MAP4K5: variants seen among roughly 807,000 people sequenced by gnomAD.
MAP4K5 encodes the protein MAPK/ERK kinase kinase kinase 5.
In MAP4K5, 82 loss-of-function variants were observed where a neutral mutation model predicts 135.6. The ratio of observed to expected loss-of-function variants is 0.60; its 90% CI spans 0.51 to 0.73. The LOEUF (loss-of-function observed/expected upper bound fraction) is 0.73. Ranked by LOEUF, MAP4K5 falls within the 30% of genes least tolerant of loss-of-function variation. The pLI is 0.00. For missense variants in MAP4K5, 907 were observed against 1,010.9 expected (o/e 0.90, Z 1.39); for synonymous variants, 347 against 335.0 (o/e 1.04, Z -0.39).
At chr14:50,526,284 C>T (rs2038263009) in intron 2 of MAP4K5, among the ~76,000 whole-genome samples, 1 of 152,158 alleles carries the variant, frequency 6.6e-6, no homozygotes, top group Non-Finnish European at 1.5e-5. Flanking sequence ...CAAATTATGA[C>T]TGCTTACATG....
At chr14:50,539,735 T>G (rs2038537628) in intron 2 of MAP4K5, among the ~76,000 whole-genome samples, 1 of 152,220 alleles carries the variant, frequency 6.6e-6, no homozygotes, top group South Asian at 2.1e-4. Flanking sequence ...GAAGAAGTTG[T>G]AGGATCTTGC....
chr14:50,493,259 C>G (rs1016601731), intron 3 of MAP4K5, among the ~76,000 whole-genome samples: 1 of 152,086 alleles, frequency 6.6e-6, no homozygotes, highest in Non-Finnish European at 1.5e-5. Context: ...GCTGCCATAT[C>G]CGGCTAATAT....
intron 22 of MAP4K5, 57 bp downstream of exon 22, chr14:50,440,305 G>C: frequency 1.7e-6 from 2 of 1,145,248 alleles, no homozygotes; most frequent in Non-Finnish European, 2.6e-6. Context: ...TTAAAATTAA[G>C]ACACTTCTTT....
intron 20 of MAP4K5, among the ~76,000 whole-genome samples, chr14:50,443,348 A>G (rs1405871592): frequency 9.5e-5 from 1 of 10,516 alleles, no homozygotes; most frequent in Admixed American, 2.2e-3. Flanking sequence ...CTGACTGGCC[A>G]GGAAAATGCA....
chr14:50,505,747 G>A (rs2037796588), intron 2 of MAP4K5, among the ~76,000 whole-genome samples: 1 of 152,166 alleles, frequency 6.6e-6, no homozygotes, highest in South Asian at 2.1e-4. Context: ...AACCTTGGAT[G>A]TTAAAACCAT....
intron 3 of MAP4K5, among the ~76,000 whole-genome samples, chr14:50,503,402 CA>C (rs1350638605): frequency 1.3e-5 from 2 of 151,950 alleles, no homozygotes; most frequent in African/African-American, 4.8e-5. Context: ...GTAGCTTTTA[CA>C]AAACAAGGCA....
At chr14:50,426,673 G>A (rs1038134112) in intron 30 of MAP4K5, among the ~76,000 whole-genome samples, 3 of 152,186 alleles carry the variant, frequency 2.0e-5, no homozygotes, top group Admixed American at 6.5e-5. Flanking sequence ...GCAGTGAGCC[G>A]AGATCACGTC....
chr14:50,494,319 C>T (rs1425264357), intron 3 of MAP4K5, among the ~76,000 whole-genome samples: 1 of 151,908 alleles, frequency 6.6e-6, no homozygotes, highest in African/African-American at 2.4e-5. Flanking sequence ...TAGGCACATG[C>T]CACCACACTG....
intron 17 of MAP4K5, 85 bp downstream of exon 17, chr14:50,445,994 T>C: frequency 1.1e-6 from 1 of 871,474 alleles, no homozygotes; most frequent in Non-Finnish European, 1.7e-6. Flanking sequence ...TTTAAGAAAA[T>C]TTTGAAAAAA....
intron 2 of MAP4K5, among the ~76,000 whole-genome samples, chr14:50,521,601 T>C (rs1338229999): frequency 6.6e-6 from 1 of 152,188 alleles, no homozygotes; most frequent in Non-Finnish European, 1.5e-5. Context: ...ATGAGAGTGT[T>C]ATACAAACAT....
chr14:50,526,117 C>T (rs2038258195), intron 2 of MAP4K5, among the ~76,000 whole-genome samples: 1 of 152,180 alleles, frequency 6.6e-6, no homozygotes, highest in African/African-American at 2.4e-5. Flanking sequence ...ATCTTCTCTA[C>T]CTAGAAACCA....
upstream of MAP4K5, among the ~76,000 whole-genome samples, chr14:50,535,640 A>T (rs1056555451): frequency 6.6e-6 from 1 of 152,266 alleles, no homozygotes; most frequent in Non-Finnish European, 1.5e-5. Context: ...TTTTCCAAAT[A>T]TAGGGCAATT....
chr14:50,443,774 T>C lies in MAP4K5; in HGVS notation c.1438-4A>G, dbSNP rs1024999386. On this transcript the variant is annotated splice_polypyrimidine_tract_variant and splice_region_variant and intron_variant, in intron 19 of 32. Transcript: ENST00000682126. Reference sequence around the variant, plus strand: ...GAAGGCCATTGATGGCTGGTTTCTATGGGAAAAATAAAATTTACTAGTGTA... The same window carrying C: ...GAAGGCCATTGATGGCTGGTTTCTACGGGAAAAATAAAATTTACTAGTGTA... 5.6e-6 allele frequency: 9 copies of C among 1,597,402 alleles called. No individual in the cohort carries two copies. Among genetic ancestry groups the C allele is most frequent in the Non-Finnish European group, 7.7e-6 (9 of 1,174,934 alleles).
chr14:50,418,670 T>C lies in MAP4K5; in HGVS notation c.*1349A>G, dbSNP rs533512051. The C allele has an allele frequency of 5.9e-5, 9 of 152,618 alleles. No homozygotes were observed. The highest frequency in any genetic ancestry group is 1.3e-4 in the Admixed American group (2 of 15,290). 9.5% of individuals were successfully genotyped at this position (152,618 alleles called of 1,614,324 possible). On this transcript the variant is annotated 3_prime_UTR_variant, in exon 33 of 33. Transcript: ENST00000682126. The stretch of plus-strand genomic sequence containing the variant: ...AACCCTTACTTCCTCATCTGAAAAA[T>C]AGAGATAATACTTATTTTACAGAAT...
intron 2 of MAP4K5, among the ~76,000 whole-genome samples, chr14:50,527,607 T>C (rs2038295047): frequency 6.6e-6 from 1 of 152,134 alleles, no homozygotes. Context: ...TAGCAGTACC[T>C]ATCTCTGAGT....
intron 10 of MAP4K5, among the ~76,000 whole-genome samples, chr14:50,467,502 T>C (rs181473659): frequency 1.3e-5 from 2 of 152,224 alleles, no homozygotes. Context: ...TTTTCACTAA[T>C]AATCAATTTT....
At chr14:50,521,154 T>C (rs1310306613) in intron 2 of MAP4K5, among the ~76,000 whole-genome samples, 1 of 152,130 alleles carries the variant, frequency 6.6e-6, no homozygotes, top group Admixed American at 6.6e-5. Flanking sequence ...AAATCAAGCC[T>C]GGGCTCTGAA....
intron 22 of MAP4K5, 52 bp from the exon 23 acceptor site, chr14:50,440,125 T>C (rs943019796): frequency 8.9e-7 from 1 of 1,128,902 alleles, no homozygotes; most frequent in African/African-American, 1.6e-5. Flanking sequence ...TTTTAATCTT[T>C]TAAATTCCAA....
At chr14:50,552,910 A>C (rs897618640) in intron 1 of MAP4K5, among the ~76,000 whole-genome samples, 1 of 152,236 alleles carries the variant, frequency 6.6e-6, no homozygotes, top group Non-Finnish European at 1.5e-5. Context: ...CAAAGATTCT[A>C]GAAGATAACA....
Sources: gnomAD v4.1 joint callset for allele counts (sites outside exome capture counted in the v4.1 genomes callset) on GRCh38, gnomAD v4.1.1 for gene constraint, MANE v1.5 for transcripts, NCBI Gene and HGNC (gene_info 2026-07-23, HGNC 2026-07-21) for gene names.